The following C12orf54 variants were observed in gnomAD, a reference collection of about 807,000 sequenced individuals.
The protein encoded by C12orf54 is chromosome 12 open reading frame 54.
In C12orf54, 24 loss-of-function variants were observed where a neutral mutation model predicts 26.4. That is an observed-to-expected ratio of 0.91 (90% CI 0.66 to 1.28). The LOEUF (loss-of-function observed/expected upper bound fraction) is 1.28, where lower values mean the gene tolerates loss of function less well. Ranked by LOEUF, C12orf54 falls within the 50% of genes most tolerant of loss-of-function variation. The probability of loss-of-function intolerance (pLI) is 0.00; values close to 1 mark genes in which losing one functional copy is unlikely to be tolerated. For missense variants in C12orf54, 154 were observed against 150.9 expected (o/e 1.02, Z -0.11); for synonymous variants, 54 against 47.0 (o/e 1.15, Z -0.61).
At chr12:48,428,761 C>G in the C12orf54 span, among the ~76,000 whole-genome samples, 1 of 152,046 alleles carries the variant, frequency 6.6e-6, no homozygotes, top group South Asian at 2.1e-4. Flanking sequence ...GGTACCAATC[C>G]TATTGACACC....
chr12:48,424,478 T>A, the C12orf54 span, among the ~76,000 whole-genome samples: 1 of 152,116 alleles, frequency 6.6e-6, no homozygotes, highest in Non-Finnish European at 1.5e-5. Context: ...GTTGTCTTCA[T>A]GAGAAATTTT....
chr12:48,413,942 G>A, the C12orf54 span, among the ~76,000 whole-genome samples: 10 of 152,140 alleles, frequency 6.6e-5, no homozygotes, highest in Non-Finnish European at 1.2e-4. Flanking sequence ...ATTCAGGATT[G>A]CTCCTCCTTG....
upstream of C12orf54, among the ~76,000 whole-genome samples, chr12:48,481,723 T>G (rs1388738922): frequency 6.6e-6 from 1 of 152,182 alleles, no homozygotes; most frequent in Non-Finnish European, 1.5e-5. Flanking sequence ...TGAGGAGTTT[T>G]CCCACCATCA....
At chr12:48,440,727 C>T in the C12orf54 span, among the ~76,000 whole-genome samples, 1 of 152,212 alleles carries the variant, frequency 6.6e-6, no homozygotes, top group Non-Finnish European at 1.5e-5. Flanking sequence ...TTTACAGTCT[C>T]TATGGGACAT....
At chr12:48,458,762 C>T in the C12orf54 span, among the ~76,000 whole-genome samples, 1 of 151,114 alleles carries the variant, frequency 6.6e-6, no homozygotes. Flanking sequence ...AAACCTCATA[C>T]CTCATCCTGA....
chr12:48,423,193 T>C, the C12orf54 span, among the ~76,000 whole-genome samples: 14 of 152,204 alleles, frequency 9.2e-5, no homozygotes, highest in African/African-American at 3.4e-4. Flanking sequence ...AACGTACACT[T>C]GTAGGGTGAG....
chr12:48,457,391 T>C, the C12orf54 span, among the ~76,000 whole-genome samples: 2 of 152,070 alleles, frequency 1.3e-5, no homozygotes, highest in East Asian at 3.9e-4. Flanking sequence ...TGGAGTGTGA[T>C]GTCTTGATCT....
the C12orf54 span, among the ~76,000 whole-genome samples, chr12:48,421,015 C>A: frequency 6.6e-5 from 10 of 152,268 alleles, no homozygotes; most frequent in East Asian, 1.9e-3. Context: ...TTCCTTTTAA[C>A]CTCATATTCT....
intron 3 of C12orf54, 85 bp downstream of exon 3, chr12:48,486,293 GC>G: frequency 7.2e-7 from 1 of 1,384,706 alleles, no homozygotes; most frequent in Non-Finnish European, 1.0e-6. Flanking sequence ...TAGACAGGAG[GC>G]CAAAAAAAAA....
At chr12:48,470,683 AT>A in the C12orf54 span, among the ~76,000 whole-genome samples, 22,488 of 150,834 alleles carry the variant, frequency 0.15, 2,885 homozygotes, top group East Asian at 0.66. Context: ...CCACTGGTCC[AT>A]TTTTTTTTGT....
intron 1 of C12orf54, 81 bp from the exon 2 acceptor site, chr12:48,483,159 G>A: frequency 4.5e-6 from 3 of 659,458 alleles, no homozygotes; most frequent in Non-Finnish European, 7.9e-6. Context: ...TCCATTAACT[G>A]CTGGTAGTTC....
the C12orf54 span, among the ~76,000 whole-genome samples, chr12:48,436,469 C>T: frequency 1.3e-5 from 2 of 152,126 alleles, no homozygotes; most frequent in Non-Finnish European, 2.9e-5. Context: ...TTTTTCAGCA[C>T]CACACCACAC....
the C12orf54 span, among the ~76,000 whole-genome samples, chr12:48,450,999 C>G: frequency 3.9e-5 from 6 of 152,014 alleles, no homozygotes; most frequent in South Asian, 2.1e-4. Flanking sequence ...CATCCTGATA[C>G]CAAAGCCTGG....
chr12:48,428,347 A>C, the C12orf54 span, among the ~76,000 whole-genome samples: 1 of 70,172 alleles, frequency 1.4e-5, no homozygotes, highest in Non-Finnish European at 3.5e-5. Flanking sequence ...AATTGAAACA[A>C]AAAAAAAATA....
At chr12:48,479,200 A>C (rs1349292201), upstream of C12orf54, among the ~76,000 whole-genome samples, 1 of 152,212 alleles carries the variant, frequency 6.6e-6, no homozygotes, top group Admixed American at 6.5e-5. Flanking sequence ...TGATGAGTTC[A>C]TGTCCTTTGT....
At chr12:48,437,461 T>G in the C12orf54 span, among the ~76,000 whole-genome samples, 1 of 152,168 alleles carries the variant, frequency 6.6e-6, no homozygotes. Context: ...AAGAAAATTT[T>G]AGACCAATAT....
chr12:48,487,969 G>C (rs903513905), intron 4 of C12orf54: 4 of 748,244 alleles, frequency 5.3e-6, no homozygotes, highest in South Asian at 4.4e-5. Context: ...AGAAGAACTG[G>C]GTTGCCATTT....
the C12orf54 span, among the ~76,000 whole-genome samples, chr12:48,447,497 C>A: frequency 6.6e-6 from 1 of 152,284 alleles, no homozygotes. Flanking sequence ...TCCTCAGAAG[C>A]CTTGCTCCTC....
At chr12:48,473,081 C>T in the C12orf54 span, 35 of 1,613,888 alleles carry the variant, frequency 2.2e-5, no homozygotes, top group Non-Finnish European at 2.7e-5. Flanking sequence ...TCAAGCTCCT[C>T]CTGCAACTCA....
Sources: gnomAD v4.1 joint callset for allele counts (sites outside exome capture counted in the v4.1 genomes callset) on GRCh38, gnomAD v4.1.1 for gene constraint, MANE v1.5 for transcripts, NCBI Gene and HGNC (gene_info 2026-07-23, HGNC 2026-07-21) for gene names.